MORN1: variants seen among roughly 807,000 people sequenced by gnomAD.
MORN1 encodes the protein MORN repeat-containing protein 1.
A neutral mutation model predicts 61.9 loss-of-function variants in MORN1; 67 were observed. The observed-to-expected ratio is 1.08, with a 90% CI of 0.89 to 1.33. The LOEUF is 1.33. Ranked by LOEUF, MORN1 falls within the 40% of genes most tolerant of loss-of-function variation. MORN1 has a pLI of 0.00. For missense variants in MORN1, 752 were observed against 691.2 expected, an observed-to-expected ratio of 1.09 and a Z score of -0.99; for synonymous variants, 301 against 292.0, an observed-to-expected ratio of 1.03 and a Z score of -0.31.
At chr1:2,364,264 G>A (rs1281820536) in intron 8 of MORN1, among the ~76,000 whole-genome samples, 1 of 152,148 alleles carries the variant, frequency 6.6e-6, no homozygotes, top group Non-Finnish European at 1.5e-5. Flanking sequence ...AATCCTAAAT[G>A]TGTATGCCCC....
chr1:2,339,388 C>A (rs898201572), intron 10 of MORN1, among the ~76,000 whole-genome samples: 2 of 152,232 alleles, frequency 1.3e-5, no homozygotes, highest in Non-Finnish European at 2.9e-5. Flanking sequence ...CTGCCATGCA[C>A]TCCCTGAGTC....
chr1:2,389,190 G>A (rs1037768121), intron 2 of MORN1, among the ~76,000 whole-genome samples: 4 of 152,188 alleles, frequency 2.6e-5, no homozygotes, highest in South Asian at 2.1e-4. Context: ...GTACAGTGGC[G>A]GGAACGTCCA....
At chr1:2,386,025 G>GC (rs1642490403) in intron 4 of MORN1, 128 bp from the exon 5 acceptor site, 7 of 749,780 alleles carry the variant, frequency 9.3e-6, no homozygotes, top group South Asian at 7.8e-5. Flanking sequence ...GGGGCTCAGG[G>GC]CCCCCCAGGA....
At chr1:2,346,222 G>A (rs1641513111) in intron 10 of MORN1, among the ~76,000 whole-genome samples, 1 of 152,036 alleles carries the variant, frequency 6.6e-6, no homozygotes, top group African/African-American at 2.4e-5. Flanking sequence ...TCCCTGAAAG[G>A]CCTGGCCTGA....
At chr1:2,386,140 C>T (rs1642493487) in intron 4 of MORN1, 1 of 524,208 alleles carries the variant, frequency 1.9e-6, no homozygotes, top group Middle Eastern at 5.2e-4. Flanking sequence ...GGTGAGCTGA[C>T]AGGGCAGCAA....
At chr1:2,354,920 C>T (rs543264782) in intron 10 of MORN1, among the ~76,000 whole-genome samples, 2 of 152,296 alleles carry the variant, frequency 1.3e-5, no homozygotes, top group African/African-American at 4.8e-5. Context: ...AACAAAAGCA[C>T]GTTCCTCTAG....
Position 2,385,895 on chromosome 1 carries a change from G to C in MORN1, c.361C>G (p.His121Asp), listed in dbSNP as rs760115552. Residue 121 changes from histidine to aspartate, a missense_variant and splice_region_variant, in exon 5 of 14, where the codon CAC becomes GAC. His to Asp is a moderately conservative substitution (Grantham distance 81, BLOSUM62 -1). Coordinates refer to ENST00000378531, the MANE Select transcript of MORN1 (RefSeq NM_024848.3). ...CCATCCCGGTCCACCAGAAACCCGTGTCCTGGAGAAGGGACCGAGAGACAG... is the reference window on the plus strand; with the variant it reads ...CCATCCCGGTCCACCAGAAACCCGTCTCCTGGAGAAGGGACCGAGAGACAG... ...GEVSHGMREGHGFLVDRDGQV... is the reference protein window; with the variant it reads ...GEVSHGMREGDGFLVDRDGQV... 5.0e-6 allele frequency: 8 copies of C among 1,613,854 alleles called. No homozygotes were observed. In the South Asian group the frequency reaches 8.8e-5, roughly 18 times the overall value.
chr1:2,390,815 C>T, intron 1 of MORN1: 1 of 901,096 alleles, frequency 1.1e-6, no homozygotes, highest in Middle Eastern at 5.7e-4. Context: ...GCGGCGCGAT[C>T]TCGGCTCTCT....
At chr1:2,342,848 TTTTATTTTATTTTATTTTA>T (rs1366480742) in intron 10 of MORN1, among the ~76,000 whole-genome samples, 5 of 101,316 alleles carry the variant, frequency 4.9e-5, no homozygotes, top group East Asian at 2.3e-4. Flanking sequence ...TTATATTTTA[TTTTATTTTATTTTATTTTA>T]TTTATTTTAT....
chr1:2,322,982 C>A, intron 13 of MORN1: 2 of 985,470 alleles, frequency 2.0e-6, no homozygotes, highest in African/African-American at 3.5e-5. Context: ...CATGGCTTAG[C>A]CCCAAGTGGC....
intron 10 of MORN1, chr1:2,351,931 CG>C (rs1194099474): frequency 3.8e-6 from 2 of 520,314 alleles, no homozygotes; most frequent in Non-Finnish European, 7.5e-6. Context: ...AGGCCACCCA[CG>C]GGCCCACCAA....
chr1:2,358,091 G>A (rs1346200764), intron 9 of MORN1, among the ~76,000 whole-genome samples: 6 of 152,168 alleles, frequency 3.9e-5, no homozygotes. Flanking sequence ...CTGGAGTCCT[G>A]CAGCTCAGGC....
In MORN1 at chr1:2,342,992, G is replaced by C. The variant is rs530577444; in HGVS notation, c.1037-6142C>G. 1.3e-3 allele frequency among the ~76,000 whole-genome samples: 192 copies of C among 151,864 alleles called. 1 individual carries two copies. Among genetic ancestry groups the C allele is most frequent in the African/African-American group, 4.5e-3 (187 of 41,416 alleles). On this transcript the variant is annotated intron_variant, in intron 10 of 13. Coordinates refer to ENST00000378531, the MANE Select transcript of MORN1 (RefSeq NM_024848.3). ...GAGTTCAAGCAATCCTCCCGCCTCA[G>C]CCTCCCAAAGTGCTGGGATCACGGG...
intron 10 of MORN1, chr1:2,351,751 G>A: frequency 3.6e-6 from 2 of 553,878 alleles, no homozygotes; most frequent in Non-Finnish European, 3.6e-6. Flanking sequence ...ATATTCATAT[G>A]CTTGTCAAAA....
At chr1:2,336,359 C>G in intron 12 of MORN1, 110 bp downstream of exon 12, 1 of 1,139,158 alleles carries the variant, frequency 8.8e-7, no homozygotes, top group African/African-American at 1.6e-5. Flanking sequence ...CACTGTCTTC[C>G]CAGACCAGGC....
chr1:2,375,300 C>G (rs1412176526), intron 6 of MORN1: 1 of 152,254 alleles, frequency 6.6e-6, no homozygotes, highest in Non-Finnish European at 1.5e-5. Flanking sequence ...CCGGCCCTCC[C>G]TGGGTGCCTT....
chr1:2,379,478 G>T (rs911783509), intron 6 of MORN1, among the ~76,000 whole-genome samples: 1 of 152,158 alleles, frequency 6.6e-6, no homozygotes, highest in African/African-American at 2.4e-5. Flanking sequence ...CAGGGAAGAA[G>T]TCAAAAGGCC....
At position 2,389,962 on chromosome 1, in the gene MORN1, A is replaced by G. The variant is rs913150031; in HGVS notation, c.111T>C (p.Phe37=). Residue 37 remains phenylalanine (F), a synonymous_variant, in exon 2 of 14, where the codon TTT becomes TTC. Coordinates refer to ENST00000378531, the MANE Select transcript of MORN1 (RefSeq NM_024848.3). ...YGVYVYPNSF[F]RYEGEWKAGR... ...CTGCTTTCCATTCTCCTTCATATCG[A>G]AAGAAGGAATTTGGGTATACGTAGA... is the stretch of plus-strand genomic sequence containing the variant. 24 of 1,613,928 alleles carry G rather than the reference A, an allele frequency of 1.5e-5. No homozygotes were observed. The highest frequency in any genetic ancestry group is 1.9e-5 in the Non-Finnish European group (23 of 1,179,986).
intron 10 of MORN1, among the ~76,000 whole-genome samples, chr1:2,347,075 GGGA>G (rs1209281917): frequency 6.6e-6 from 1 of 152,172 alleles, no homozygotes; most frequent in East Asian, 1.9e-4. Context: ...TTGGGAGATG[GGGA>G]GCTCTTGGGA....
Sources: allele counts gnomAD v4.1 joint callset (sites outside exome capture counted in the v4.1 genomes callset), GRCh38; gene constraint gnomAD v4.1.1; transcripts MANE v1.5; gene names NCBI Gene and HGNC (gene_info 2026-07-23, HGNC 2026-07-21).